C3orf22: variants seen among roughly 807,000 people sequenced by gnomAD.
The protein encoded by C3orf22 is chromosome 3 open reading frame 22.
Under a neutral mutation model 10.8 loss-of-function variants are expected in C3orf22, and 7 were observed. The observed-to-expected ratio is 0.65, with a 90% CI of 0.37 to 1.22. The LOEUF is 1.22. Ranked by LOEUF, C3orf22 falls within the 50% of genes most tolerant of loss-of-function variation. The pLI, the probability that C3orf22 is intolerant of heterozygous loss-of-function variation, is 0.02. For synonymous variants in C3orf22, 79 were observed against 78.9 expected (o/e 1.00, Z 0.00); for missense variants, 173 against 177.0 (o/e 0.98, Z 0.13).
intron 4 of C3orf22, chr3:126,542,448 C>T (rs1936985789): frequency 1.3e-6 from 2 of 1,564,164 alleles, no homozygotes; most frequent in Admixed American, 1.9e-5. Context: ...GGAGCCGCCG[C>T]CTCCCGCGAC....
At chr3:126,550,678 G>A (rs1024802019) in intron 3 of C3orf22, among the ~76,000 whole-genome samples, 1 of 152,150 alleles carries the variant, frequency 6.6e-6, no homozygotes, top group Non-Finnish European at 1.5e-5. Flanking sequence ...TGTGCTCATG[G>A]GCCCGGCCGT....
intron 4 of C3orf22, among the ~76,000 whole-genome samples, chr3:126,532,634 C>G (rs930451218): frequency 1.3e-5 from 2 of 152,204 alleles, no homozygotes; most frequent in African/African-American, 4.8e-5. Flanking sequence ...CTATATGTCT[C>G]TCCTAGCCAG....
chr3:126,556,644 CCACACACA>C (rs35184055), intron 1 of C3orf22, among the ~76,000 whole-genome samples: 4 of 150,030 alleles, frequency 2.7e-5, no homozygotes, highest in African/African-American at 7.4e-5. Flanking sequence ...ACTGCCGTTC[CCACACACA>C]CACACACACA....
chr3:126,546,389 T>C (rs1040638858), downstream of C3orf22, among the ~76,000 whole-genome samples: 3 of 152,200 alleles, frequency 2.0e-5, no homozygotes, highest in Non-Finnish European at 2.9e-5. Context: ...TGCTGTGGAC[T>C]GAATTATGTT....
At chr3:126,558,467 GA>G (rs1937405510) in intron 1 of C3orf22, among the ~76,000 whole-genome samples, 159 bp downstream of exon 1, 1 of 152,164 alleles carries the variant, frequency 6.6e-6, no homozygotes, top group Admixed American at 6.5e-5. Context: ...GCTGACTGCT[GA>G]ATCTGCCCCA....
At chr3:126,556,597 G>A (rs560375280) in intron 1 of C3orf22, among the ~76,000 whole-genome samples, 36 of 152,048 alleles carry the variant, frequency 2.4e-4, no homozygotes, top group African/African-American at 8.7e-4. Flanking sequence ...AGGCCAAGAA[G>A]GCGGCCGCTA....
chr3:126,555,874 TC>T (rs1559756072), intron 1 of C3orf22, among the ~76,000 whole-genome samples: 1 of 151,944 alleles, frequency 6.6e-6, no homozygotes, highest in African/African-American at 2.4e-5. Flanking sequence ...CTCTGGGAGG[TC>T]CCTTGATGGA....
chr3:126,557,171 C>T (rs1325002992), intron 1 of C3orf22, among the ~76,000 whole-genome samples: 1 of 152,218 alleles, frequency 6.6e-6, no homozygotes, highest in Non-Finnish European at 1.5e-5. Context: ...CCCCCACACA[C>T]AGGCAGGTGG....
chr3:126,539,161 AC>A, intron 4 of C3orf22, among the ~76,000 whole-genome samples: 1 of 151,760 alleles, frequency 6.6e-6, no homozygotes, highest in South Asian at 2.1e-4. Context: ...AGTTCAAGGA[AC>A]CCCCACCTTC....
intron 4 of C3orf22, among the ~76,000 whole-genome samples, chr3:126,539,548 GCACACACACTGCACA>G: frequency 2.5e-5 from 1 of 40,164 alleles, no homozygotes; most frequent in Non-Finnish European, 5.0e-5. Flanking sequence ...CACACACACC[GCACACACACTGCACA>G]CACACACACA....
At chr3:126,539,598 CCA>C (rs1351804180) in intron 4 of C3orf22, among the ~76,000 whole-genome samples, 1 of 141,584 alleles carries the variant, frequency 7.1e-6, no homozygotes, top group Admixed American at 7.0e-5. Context: ...CACACACACC[CCA>C]CACACTCCAC....
At chr3:126,543,098 C>A (rs1437252933) in intron 4 of C3orf22, 2 of 152,326 alleles carry the variant, frequency 1.3e-5, no homozygotes, top group Admixed American at 6.5e-5. Context: ...CCTTCCACTG[C>A]CATCGGGTCT....
At position 126,552,269 on chromosome 3, in the gene C3orf22, GAGGCAGGTGTTACCCACACTTTACAGACA is replaced by G; in HGVS notation, c.90-176_90-148del. On this transcript the variant is annotated intron_variant, in intron 2 of 3. Transcript: ENST00000318225. ...ATATGTCAGCTGACAAGCATGCTGT[GAGGCAGGTGTTACCCACACTTTACAGACA>G]AGGAAACTGAGGCACAGAGGTTCCA... 2.3e-6 allele frequency: 3 copies of G among 1,291,652 alleles called. No individual in the cohort carries two copies. In the African/African-American group the frequency reaches 4.5e-5, roughly 19 times the overall value. The allele number at this position is 1,291,652 out of a possible 1,614,324, so 80.0% of individuals were successfully genotyped here. A position where few individuals can be genotyped will look rare whatever the true frequency, so the allele number is the denominator to read the frequency against.
chr3:126,538,353 G>T (rs998012754), intron 4 of C3orf22, among the ~76,000 whole-genome samples: 1 of 152,248 alleles, frequency 6.6e-6, no homozygotes, highest in Non-Finnish European at 1.5e-5. Context: ...GGCAGAAAGT[G>T]AGTGGTGGGG....
Position 126,529,461 on chromosome 3 carries a change from AC to A in C3orf22, c.287-90del, listed in dbSNP as rs1480256152. On this transcript the variant is annotated intron_variant and NMD_transcript_variant, in intron 4 of 5. Coordinates refer to the C3orf22 transcript ENST00000505070. ...GGGTGTTAAGGGTGCAGATGCTGGC[AC>A]CGGTGGCCTGGGGTCAAATTCTGTT... The A allele has an allele frequency of 6.0e-6, 7 of 1,172,652 alleles. No homozygotes were observed. The East Asian group carries it at 4.1e-4, about 69-fold the overall frequency. The allele number at this position is 1,172,652 out of a possible 1,614,324, so 72.6% of individuals were successfully genotyped here. A position where few individuals can be genotyped will look rare whatever the true frequency, so the allele number is the denominator to read the frequency against.
chr3:126,544,511 G>A (rs1937035019), intron 4 of C3orf22, among the ~76,000 whole-genome samples: 1 of 152,190 alleles, frequency 6.6e-6, no homozygotes, highest in Non-Finnish European at 1.5e-5. Flanking sequence ...CTTTGTGAGG[G>A]GCTCCCTGGC....
Position 126,553,348 on chromosome 3 carries a change from A to C in C3orf22, c.43T>G (p.Trp15Gly), listed in dbSNP as rs1283371774. ...ACKKSHQSKKWRIQAQENFAK... is the reference protein window; with the variant it reads ...ACKKSHQSKKGRIQAQENFAK... ...AAATTCTCCTGGGCCTGGATCCTCC[A>C]CTTCTTACTCTGGTGAGACTTCTTG... The change falls in exon 2 of 4, where the codon TGG becomes GGG. Residue 15 changes from tryptophan (W) to glycine (G), a missense_variant. Trp to Gly is a radical substitution (Grantham distance 184). Transcript: ENST00000318225. 2.5e-6 allele frequency: 4 copies of C among 1,613,788 alleles called. No individual in the cohort carries two copies. The highest frequency in any genetic ancestry group is 1.3e-5 in the African/African-American group (1 of 74,804).
chr3:126,541,923 T>C, intron 4 of C3orf22: 1 of 1,597,022 alleles, frequency 6.3e-7, no homozygotes, highest in Non-Finnish European at 8.5e-7. Flanking sequence ...AAGCGCGTGC[T>C]GCTGGCGCTG....
Position 126,553,301 on chromosome 3 carries a change from C to T in C3orf22, c.89+1G>A, listed in dbSNP as rs766922350. 3.7e-6 allele frequency: 6 copies of T among 1,611,940 alleles called. No homozygotes were observed. The highest frequency in any genetic ancestry group is 4.2e-6 in the Non-Finnish European group (5 of 1,177,992). ...TCTCCAGAGGTGTCAGCCTCCCGCA[C>T]CTGTACGGAAACTTCTTGGCAAAAT... On this transcript the variant is annotated splice_donor_variant, in intron 2 of 3. Transcript: ENST00000318225. LOFTEE classifies it high-confidence loss of function.
Sources: gnomAD v4.1 joint callset for allele counts (sites outside exome capture counted in the v4.1 genomes callset) on GRCh38, gnomAD v4.1.1 for gene constraint, MANE v1.5 for transcripts, NCBI Gene and HGNC (gene_info 2026-07-23, HGNC 2026-07-21) for gene names.